Variants in PREX2 observed in about 807,000 individuals in gnomAD.
PREX2 encodes the protein phosphatidylinositol-3,4,5-trisphosphate dependent Rac exchange factor 2.
Under a neutral mutation model 203.2 loss-of-function variants are expected in PREX2, and 107 were observed. The observed-to-expected ratio is 0.53, with a 90% CI of 0.45 to 0.62. PREX2 has a LOEUF of 0.62. Ranked by LOEUF, PREX2 falls within the 20% of genes least tolerant of loss-of-function variation. The pLI is 0.00. For missense variants in PREX2, 1,777 were observed against 1,955.9 expected (o/e 0.91, Z 1.72); for synonymous variants, 672 against 663.6 (o/e 1.01, Z -0.19).
chr8:68,059,219 A>G (rs1808769591), intron 10 of PREX2, among the ~76,000 whole-genome samples: 1 of 152,270 alleles, frequency 6.6e-6, no homozygotes, highest in African/African-American at 2.4e-5. Context: ...AGACTTTTAA[A>G]ACATGAGCAA....
At chr8:68,182,606 A>G (rs769683604) in intron 35 of PREX2, among the ~76,000 whole-genome samples, 23 of 152,136 alleles carry the variant, frequency 1.5e-4, no homozygotes, top group Non-Finnish European at 1.9e-4. Context: ...GTTAGATTTT[A>G]TGTATATATA....
intron 1 of PREX2, among the ~76,000 whole-genome samples, chr8:68,003,818 C>G (rs1222821088): frequency 6.6e-6 from 1 of 150,500 alleles, no homozygotes; most frequent in Admixed American, 6.6e-5. Flanking sequence ...ATATCAGCCT[C>G]CACAGGAGGT....
At chr8:67,992,417 G>T (rs1050468285) in intron 1 of PREX2, among the ~76,000 whole-genome samples, 3 of 152,090 alleles carry the variant, frequency 2.0e-5, no homozygotes, top group Non-Finnish European at 4.4e-5. Flanking sequence ...CATTTCTTTA[G>T]TATTTACTCA....
At chr8:68,203,424 C>T (rs1274856722) in intron 37 of PREX2, among the ~76,000 whole-genome samples, 1 of 152,066 alleles carries the variant, frequency 6.6e-6, no homozygotes, top group Non-Finnish European at 1.5e-5. Context: ...GATGGGTTCA[C>T]AGTTGACAAG....
chr8:68,179,103 G>A (rs555895652), intron 35 of PREX2, among the ~76,000 whole-genome samples: 16 of 152,168 alleles, frequency 1.1e-4, no homozygotes, highest in African/African-American at 3.6e-4. Flanking sequence ...TGGTGCAACC[G>A]CATGTGACTT....
intron 5 of PREX2, among the ~76,000 whole-genome samples, chr8:68,030,182 A>T (rs1351393213): frequency 6.6e-6 from 1 of 152,204 alleles, no homozygotes; most frequent in Non-Finnish European, 1.5e-5. Context: ...TTCTGTTAGA[A>T]CAAAAGTCAA....
chr8:68,088,981 A>C (rs1053048939), intron 19 of PREX2, among the ~76,000 whole-genome samples: 1 of 152,218 alleles, frequency 6.6e-6, no homozygotes, highest in Non-Finnish European at 1.5e-5. Context: ...AGTAAAAGAC[A>C]GAAATGCTCA....
Position 68,053,141 on chromosome 8 carries a change from A to G in PREX2, c.988A>G (p.Ile330Val). Reference protein sequence around the residue: ...SGHIVVNGWKIHNTAKNKWFV... With the variant: ...SGHIVVNGWKVHNTAKNKWFV... ...ACACATTGTTGTTAATGGATGGAAGATACATAACACAGCAAAAAATAAATG... is the reference window on the plus strand; with the variant it reads ...ACACATTGTTGTTAATGGATGGAAGGTACATAACACAGCAAAAAATAAATG... The change falls in exon 9 of 40, where the codon ATA becomes GTA. Residue 330 changes from isoleucine to valine, a missense_variant. Coordinates refer to ENST00000288368, the MANE Select transcript of PREX2 (RefSeq NM_024870.4). The G allele has an allele frequency of 6.2e-7, 1 of 1,613,588 alleles. No individual in the cohort carries two copies. Among genetic ancestry groups the G allele is most frequent in the South Asian group, 1.1e-5 (1 of 91,054 alleles).
chr8:68,202,000 G>C (rs556144257), intron 37 of PREX2, among the ~76,000 whole-genome samples: 1 of 147,652 alleles, frequency 6.8e-6, no homozygotes, highest in South Asian at 2.1e-4. Flanking sequence ...TCCACCTCCT[G>C]GGTTCAAGCA....
At chr8:68,230,151 A>T (rs1290438328) in intron 39 of PREX2, among the ~76,000 whole-genome samples, 1 of 151,448 alleles carries the variant, frequency 6.6e-6, no homozygotes, top group Non-Finnish European at 1.5e-5. Context: ...GTTAACCAGG[A>T]GTTATAACTC....
At chr8:68,093,927 T>C (rs1809974306) in intron 21 of PREX2, among the ~76,000 whole-genome samples, 1 of 152,208 alleles carries the variant, frequency 6.6e-6, no homozygotes. Context: ...AGTGTTTTTG[T>C]GGACTATCTC....
intron 31 of PREX2, among the ~76,000 whole-genome samples, chr8:68,130,517 AC>A (rs1228216748): frequency 6.6e-6 from 1 of 152,190 alleles, no homozygotes; most frequent in Non-Finnish European, 1.5e-5. Flanking sequence ...TAGATGCTAA[AC>A]AAAAAGAAGA....
At chr8:68,126,486 G>C (rs890918847) in intron 30 of PREX2, among the ~76,000 whole-genome samples, 1 of 152,016 alleles carries the variant, frequency 6.6e-6, no homozygotes, top group South Asian at 2.1e-4. Flanking sequence ...CTGACTCTTA[G>C]CTTATTGTAC....
In PREX2 at chr8:68,048,295, A is replaced by G. The variant is rs541060459; in HGVS notation, c.943+3705A>G. Among the ~76,000 whole-genome samples, 11 of 152,230 alleles carry G rather than the reference A, an allele frequency of 7.2e-5. No homozygotes were observed. The South Asian group carries it at 1.7e-3, about 23-fold the overall frequency. ...ATTTTCATGGTAATTTTTATAGTGC[A>G]TGACTGGAAAGCCATTCGGAAAGTA... On this transcript the variant is annotated intron_variant, in intron 8 of 39. Transcript: ENST00000288368.
At chr8:68,054,173 A>T (rs1197845971) in intron 9 of PREX2, among the ~76,000 whole-genome samples, 1 of 152,246 alleles carries the variant, frequency 6.6e-6, no homozygotes, top group African/African-American at 2.4e-5. Flanking sequence ...TAGAATTTCC[A>T]AAACATTTTC....
rs546846228 is a variant in PREX2 at position 68,235,656 on chromosome 8, G to T, written c.*4278G>T. On this transcript the variant is annotated 3_prime_UTR_variant, in exon 40 of 40. Coordinates refer to ENST00000288368, the MANE Select transcript of PREX2 (RefSeq NM_024870.4). The stretch of plus-strand genomic sequence containing the variant: ...CAGGTGGGGGAAAATTACAAGAGGG[G>T]TCTGTACCAAAAATGGCCCCAGGAT... 6 of 152,146 alleles carry T rather than the reference G, an allele frequency of 3.9e-5. No homozygotes were observed. The highest frequency in any genetic ancestry group is 1.4e-4 in the African/African-American group (6 of 41,412). The allele number at this position is 152,146 out of a possible 1,614,324, so 9.4% of individuals were successfully genotyped here. A position where few individuals can be genotyped will look rare whatever the true frequency, so the allele number is the denominator to read the frequency against.
At chr8:68,011,468 A>G (rs1302614962) in intron 1 of PREX2, among the ~76,000 whole-genome samples, 4 of 152,160 alleles carry the variant, frequency 2.6e-5, no homozygotes, top group South Asian at 2.1e-4. Context: ...ATACATGGCA[A>G]TTAACATTCA....
chr8:67,952,557 A>C (rs1269679365), intron 1 of PREX2, 22 bp downstream of exon 1: 4 of 1,603,200 alleles, frequency 2.5e-6, no homozygotes, highest in Middle Eastern at 1.7e-4. Flanking sequence ...CGGCAGACGC[A>C]GGGGGACGTC....
Position 68,233,915 on chromosome 8 carries a change from G to A in PREX2, c.*2537G>A, listed in dbSNP as rs971829738. The A allele has an allele frequency of 4.6e-5, 7 of 152,126 alleles. No homozygotes were observed. Among genetic ancestry groups the A allele is most frequent in the African/African-American group, 1.7e-4 (7 of 41,424 alleles). 9.4% of individuals were successfully genotyped at this position (152,126 alleles called of 1,614,324 possible). On this transcript the variant is annotated 3_prime_UTR_variant, in exon 40 of 40. Transcript: ENST00000288368. ...GTAAATTTGGAGTTATGCGGCATGT[G>A]TTGTCATTAAATTATACATCTTGTA...
Sources: allele counts gnomAD v4.1 joint callset (sites outside exome capture counted in the v4.1 genomes callset), GRCh38; gene constraint gnomAD v4.1.1; transcripts MANE v1.5; gene names NCBI Gene and HGNC (gene_info 2026-07-23, HGNC 2026-07-21).